Variants in MAPKBP1 observed in about 807,000 individuals in gnomAD.
MAPKBP1 encodes mitogen-activated protein kinase-binding protein 1.
A neutral mutation model predicts 170.5 loss-of-function variants in MAPKBP1; 71 were observed. The ratio of observed to expected loss-of-function variants is 0.42; its 90% CI spans 0.34 to 0.51. MAPKBP1 has a LOEUF of 0.51. Ranked by LOEUF, MAPKBP1 falls within the 20% of genes least tolerant of loss-of-function variation. MAPKBP1 has a pLI of 0.06. For synonymous variants in MAPKBP1, 719 were observed against 757.9 expected, an observed-to-expected ratio of 0.95 and a Z score of 0.84; for missense variants, 1,598 against 1,933.0, an observed-to-expected ratio of 0.83 and a Z score of 3.25.
At chr15:41,784,134 G>A (rs2064239507) in intron 2 of MAPKBP1, among the ~76,000 whole-genome samples, 1 of 152,166 alleles carries the variant, frequency 6.6e-6, no homozygotes, top group Admixed American at 6.5e-5. Context: ...TCATTGGTTG[G>A]CTTCTGTTTG....
intron 12 of MAPKBP1, 53 bp downstream of exon 12, chr15:41,815,852 G>T (rs2064881989): frequency 3.9e-6 from 6 of 1,555,182 alleles, no homozygotes; most frequent in Non-Finnish European, 4.4e-6. Context: ...GCAGAGTTGG[G>T]TATTTAGAAC....
rs1298716466 is a variant in MAPKBP1 at position 41,786,776 on chromosome 15, AAATATATAT to A, written c.114+11389_114+11397del. Among the ~76,000 whole-genome samples, 6 of 103,072 alleles carry A rather than the reference AAATATATAT, an allele frequency of 5.8e-5. 1 individual carries two copies. The highest frequency in any genetic ancestry group is 2.4e-4 in the East Asian group (1 of 4,252). The allele number at this position is 103,072 out of a possible 152,430, so 67.6% of individuals were successfully genotyped here. On this transcript the variant is annotated intron_variant, in intron 2 of 30. Transcript: ENST00000457542. ...CCAGACTCCGTCTAAAAAAAAAAAA[AAATATATAT>A]ATATATATATATATATATAGGTATA... is the stretch of plus-strand genomic sequence containing the variant.
At chr15:41,793,520 T>C (rs2064433068) in intron 2 of MAPKBP1, among the ~76,000 whole-genome samples, 1 of 152,200 alleles carries the variant, frequency 6.6e-6, no homozygotes, top group African/African-American at 2.4e-5. Context: ...GTAATGGGTT[T>C]ATTGTTATTT....
intron 2 of MAPKBP1, among the ~76,000 whole-genome samples, chr15:41,786,777 A>AAAAAAAT: frequency 3.4e-4 from 11 of 32,456 alleles, no homozygotes; most frequent in African/African-American, 1.3e-3. Context: ...AAAAAAAAAA[A>AAAAAAAT]ATATATATAT....
intron 29 of MAPKBP1, 78 bp from the exon 30 acceptor site, chr15:41,824,406 C>T: frequency 1.5e-6 from 2 of 1,350,118 alleles, no homozygotes; most frequent in South Asian, 1.3e-5. Flanking sequence ...TAGGTCTCTC[C>T]TGTTCTGAGT....
At chr15:41,824,152 G>T (rs2065050494) in intron 29 of MAPKBP1, 91 bp downstream of exon 29, 3 of 1,484,110 alleles carry the variant, frequency 2.0e-6, no homozygotes, top group Non-Finnish European at 2.7e-6. Context: ...ATTTCTGTGG[G>T]TACAGCTTCT....
rs1489685589 is a variant in MAPKBP1, at chr15:41,825,219, G to A, written c.4310G>A (p.Cys1437Tyr). The A allele has an allele frequency of 1.9e-6, 3 of 1,580,792 alleles. No individual in the cohort carries two copies. The highest frequency in any genetic ancestry group is 1.3e-5 in the African/African-American group (1 of 74,152). ...AVRLYHSVAG[C>Y]KMPSAEQSRI... is the part of the protein sequence containing the mutation. ...GGGGTGCTATTTCAGGTGGCTGGCT[G>A]CAAGATGCCCTCAGCAGAGCAAAGT... The change falls in exon 31 of 31, where the codon TGC becomes TAC. Residue 1437 changes from cysteine (C) to tyrosine (Y), a missense_variant. This residue lies in a region of MAPKBP1 where 942 missense variants were observed against 953.2 expected (regional missense o/e 0.99). Transcript: ENST00000457542.
intron 2 of MAPKBP1, among the ~76,000 whole-genome samples, chr15:41,793,003 A>ATACTTCCACTAGAT (rs1244937413): frequency 1.8e-4 from 28 of 152,228 alleles, no homozygotes; most frequent in African/African-American, 6.7e-4. Flanking sequence ...CTACATATCC[A>ATACTTCCACTAGAT]AATGAGGCTA....
At position 41,820,860 on chromosome 15, in the gene MAPKBP1, C is replaced by T; in HGVS notation, c.2510C>T (p.Pro837Leu). The T allele has an allele frequency of 1.2e-6, 2 of 1,613,970 alleles. No homozygotes were observed. The highest frequency in any genetic ancestry group is 1.3e-5 in the African/African-American group (1 of 75,038). Residue 837 changes from proline (P) to leucine (L), a missense_variant, in exon 23 of 31, where the codon CCA becomes CTA. Physicochemically the swap from Pro to Leu is moderately conservative, Grantham distance 98 (BLOSUM62 -3). Around this residue, in one of 6 missense-constraint regions of MAPKBP1, gnomAD observed 942 missense variants for 953.2 expected, o/e 0.99. Coordinates refer to ENST00000457542, the MANE Select transcript of MAPKBP1 (RefSeq NM_014994.3). Reference protein sequence around the residue: ...RAQESVGFLDPAPAANPGPRR... With the variant: ...RAQESVGFLDLAPAANPGPRR... ...CAGGAGTCCGTGGGGTTCCTGGACC[C>T]AGCTCCTGCAGCCAACCCAGGACCC...
chr15:41,780,891 T>C (rs576075645), intron 2 of MAPKBP1, among the ~76,000 whole-genome samples: 1 of 152,272 alleles, frequency 6.6e-6, no homozygotes, highest in South Asian at 2.1e-4. Flanking sequence ...TTCCTTCCTT[T>C]CAACAGTTAT....
chr15:41,822,516 T>TG, intron 26 of MAPKBP1, 77 bp from the exon 27 acceptor site: 1 of 1,605,348 alleles, frequency 6.2e-7, no homozygotes, highest in South Asian at 1.1e-5. Flanking sequence ...AGGCTGTGGC[T>TG]GGGGGTCTCA....
chr15:41,816,838 G>C, intron 13 of MAPKBP1, 72 bp from the exon 14 acceptor site: 1 of 1,547,486 alleles, frequency 6.5e-7, no homozygotes, highest in East Asian at 2.3e-5. Context: ...CAGTTCCCTT[G>C]GGGCTCTTTG....
intron 2 of MAPKBP1, among the ~76,000 whole-genome samples, chr15:41,784,510 G>A (rs919385009): frequency 3.3e-5 from 5 of 151,904 alleles, no homozygotes; most frequent in Admixed American, 2.0e-4. Flanking sequence ...TGGGCCGGGC[G>A]TGGTGGCTCA....
At chr15:41,805,415 C>A (rs1464747629) in intron 3 of MAPKBP1, among the ~76,000 whole-genome samples, 2 of 152,210 alleles carry the variant, frequency 1.3e-5, no homozygotes, top group African/African-American at 4.8e-5. Flanking sequence ...GCCCCTGTGC[C>A]CCTGTGCCCC....
intron 2 of MAPKBP1, among the ~76,000 whole-genome samples, chr15:41,796,604 T>C (rs1473964243): frequency 1.3e-5 from 2 of 151,940 alleles, no homozygotes; most frequent in African/African-American, 4.8e-5. Flanking sequence ...GAAACTGCTT[T>C]TCCCCCCCCT....
chr15:41,819,556 G>T (rs765986237), intron 21 of MAPKBP1, 39 bp from the exon 22 acceptor site: 15 of 1,347,562 alleles, frequency 1.1e-5, no homozygotes, highest in African/African-American at 4.9e-5. Flanking sequence ...GCGGGGGGGG[G>T]GCAGGAGACA....
intron 2 of MAPKBP1, among the ~76,000 whole-genome samples, chr15:41,795,520 C>T (rs1402276365): frequency 6.6e-6 from 1 of 152,090 alleles, no homozygotes; most frequent in Non-Finnish European, 1.5e-5. Flanking sequence ...TGGATTTGAA[C>T]TTGAGGGAGA....
intron 2 of MAPKBP1, among the ~76,000 whole-genome samples, chr15:41,781,391 G>GTT (rs1202872798): frequency 4.8e-5 from 3 of 63,094 alleles, no homozygotes; most frequent in African/African-American, 8.5e-5. Flanking sequence ...AATGCTGTGG[G>GTT]TTTTTTTGTT....
At position 41,816,622 on chromosome 15, in the gene MAPKBP1, G is replaced by A; in HGVS notation, c.1557G>A (p.Leu519=). Residue 519 remains leucine (L), a synonymous_variant, in exon 13 of 31, where the codon CTG becomes CTA. Transcript: ENST00000457542. ...LKVEAHDSEI[L]CLEYSKPDTG... ...TGGAGGCCCATGACTCTGAGATTCT[G>A]TGCCTGGAGTATTCTAAGCCAGACA... 1.2e-6 allele frequency: 2 copies of A among 1,614,008 alleles called. No individual in the cohort carries two copies. The highest frequency in any genetic ancestry group is 1.7e-6 in the Non-Finnish European group (2 of 1,180,044).
Sources: allele counts gnomAD v4.1 joint callset (sites outside exome capture counted in the v4.1 genomes callset), GRCh38; gene constraint gnomAD v4.1.1; regional missense constraint gnomAD v4.1.1; transcripts MANE v1.5; gene names NCBI Gene and HGNC (gene_info 2026-07-23, HGNC 2026-07-21).